The following CDH13 variants were observed in gnomAD, a reference collection of about 807,000 sequenced individuals.
CDH13 encodes the protein cadherin 13.
CDH13 carries 24 observed loss-of-function variants against 63.8 expected under a neutral mutation model. The observed-to-expected ratio is 0.38, with a 90% CI of 0.27 to 0.53. The LOEUF (loss-of-function observed/expected upper bound fraction) is 0.53, where lower values mean the gene tolerates loss of function less well. Ranked by LOEUF, CDH13 falls within the 20% of genes least tolerant of loss-of-function variation. The probability of loss-of-function intolerance (pLI) is 0.85; values close to 1 mark genes in which losing one functional copy is unlikely to be tolerated. For synonymous variants in CDH13, 503 were observed against 355.3 expected, an observed-to-expected ratio of 1.42 and a Z score of -4.67; for missense variants, 1,049 against 903.1, an observed-to-expected ratio of 1.16 and a Z score of -2.07.
chr16:82,725,849 C>G (rs941744872), intron 1 of CDH13, among the ~76,000 whole-genome samples: 1 of 152,090 alleles, frequency 6.6e-6, no homozygotes, highest in Non-Finnish European at 1.5e-5. Flanking sequence ...AACTCATTAA[C>G]CAGATAATTA....
At chr16:82,930,943 T>TG (rs1484694641) in intron 2 of CDH13, among the ~76,000 whole-genome samples, 1 of 152,264 alleles carries the variant, frequency 6.6e-6, no homozygotes, top group Non-Finnish European at 1.5e-5. Flanking sequence ...GTTCGACTTG[T>TG]GGCTTTGTCA....
chr16:83,185,640 G>A (rs564148281), intron 4 of CDH13, among the ~76,000 whole-genome samples: 8 of 152,278 alleles, frequency 5.3e-5, no homozygotes, highest in African/African-American at 9.6e-5. Flanking sequence ...CTCTGAAAAC[G>A]TCTAATCTGT....
At chr16:83,029,328 A>T (rs1390798205) in intron 2 of CDH13, among the ~76,000 whole-genome samples, 1 of 152,198 alleles carries the variant, frequency 6.6e-6, no homozygotes, top group Non-Finnish European at 1.5e-5. Flanking sequence ...GCTAGGATCT[A>T]TGTAGCTGTT....
chr16:83,072,652 G>T (rs1445284960), intron 3 of CDH13, among the ~76,000 whole-genome samples: 1 of 152,152 alleles, frequency 6.6e-6, no homozygotes, highest in East Asian at 1.9e-4. Context: ...TCCCATTTGG[G>T]AAATGAGGGG....
intron 5 of CDH13, among the ~76,000 whole-genome samples, chr16:83,277,527 C>T (rs1248161679): frequency 6.6e-6 from 1 of 152,116 alleles, no homozygotes; most frequent in East Asian, 1.9e-4. Flanking sequence ...ATCCCTGAGA[C>T]TTTTTCAGGG....
chr16:83,493,528 G>A (rs2074067612), intron 7 of CDH13, among the ~76,000 whole-genome samples: 1 of 152,212 alleles, frequency 6.6e-6, no homozygotes, highest in Non-Finnish European at 1.5e-5. Flanking sequence ...TGATGGCTGT[G>A]TGGAAACCTG....
intron 6 of CDH13, among the ~76,000 whole-genome samples, chr16:83,463,239 G>T (rs921516557): frequency 3.9e-5 from 6 of 152,188 alleles, no homozygotes; most frequent in African/African-American, 1.4e-4. Context: ...CAGCCAGCTG[G>T]TGAAAGTTCA....
intron 6 of CDH13, among the ~76,000 whole-genome samples, chr16:83,412,684 T>C (rs1399393830): frequency 6.6e-6 from 1 of 152,160 alleles, no homozygotes; most frequent in African/African-American, 2.4e-5. Context: ...CTGACAAGAA[T>C]GTATGCACTA....
intron 6 of CDH13, among the ~76,000 whole-genome samples, chr16:83,473,347 T>G (rs2073512912): frequency 6.6e-6 from 1 of 152,236 alleles, no homozygotes; most frequent in African/African-American, 2.4e-5. Context: ...TCAGCAACAT[T>G]ACAGCTTTAC....
At chr16:83,297,072 A>G (rs1041162532) in intron 5 of CDH13, among the ~76,000 whole-genome samples, 1 of 152,202 alleles carries the variant, frequency 6.6e-6, no homozygotes, top group African/African-American at 2.4e-5. Flanking sequence ...TTTCATTTTA[A>G]TAAGCATGGG....
intron 3 of CDH13, among the ~76,000 whole-genome samples, chr16:83,040,006 T>C (rs1472065254): frequency 1.3e-5 from 2 of 151,750 alleles, no homozygotes; most frequent in African/African-American, 4.8e-5. Flanking sequence ...CTACTCATAG[T>C]ACTAAACAAA....
At chr16:82,654,146 G>C (rs968794338) in intron 1 of CDH13, among the ~76,000 whole-genome samples, 4 of 152,140 alleles carry the variant, frequency 2.6e-5, no homozygotes, top group African/African-American at 9.7e-5. Flanking sequence ...CAGTGGGGGA[G>C]GTCCTGAGAG....
chr16:83,334,985 A>T (rs902868116), intron 5 of CDH13, among the ~76,000 whole-genome samples: 1 of 152,198 alleles, frequency 6.6e-6, no homozygotes, highest in Non-Finnish European at 1.5e-5. Context: ...TAAGTGTCAC[A>T]TTAATAAACT....
intron 10 of CDH13, chr16:83,710,037 ATGACATT>A (rs1267031384): frequency 2.6e-5 from 4 of 152,246 alleles, no homozygotes; most frequent in Non-Finnish European, 5.9e-5. Flanking sequence ...TTGCCCCCAG[ATGACATT>A]TGTCAGTGTC....
intron 2 of CDH13, among the ~76,000 whole-genome samples, chr16:83,031,063 G>T (rs904714256): frequency 6.6e-6 from 1 of 151,444 alleles, no homozygotes; most frequent in Non-Finnish European, 1.5e-5. Context: ...ATATGGTGCT[G>T]CATATTGTGC....
chr16:83,472,075 AAC>A (rs1328913519), intron 6 of CDH13, among the ~76,000 whole-genome samples: 1 of 152,198 alleles, frequency 6.6e-6, no homozygotes, highest in African/African-American at 2.4e-5. Context: ...ATTCTCAGAG[AAC>A]ACAGTGTCCT....
chr16:82,650,871 G>T (rs540595111), intron 1 of CDH13, among the ~76,000 whole-genome samples: 1 of 152,210 alleles, frequency 6.6e-6, no homozygotes, highest in Non-Finnish European at 1.5e-5. Context: ...CAGTGGGGCA[G>T]GGCAGTAAAC....
At chr16:82,638,189 C>T (rs934246494) in intron 1 of CDH13, among the ~76,000 whole-genome samples, 1 of 152,074 alleles carries the variant, frequency 6.6e-6, no homozygotes, top group South Asian at 2.1e-4. Flanking sequence ...ACCTGGGAAC[C>T]CAGAGGTGAA....
At chr16:83,034,640 A>G (rs1005149656) in intron 3 of CDH13, among the ~76,000 whole-genome samples, 1 of 152,204 alleles carries the variant, frequency 6.6e-6, no homozygotes, top group Non-Finnish European at 1.5e-5. Flanking sequence ...GCTTGAATGC[A>G]TTTAGATGGC....
Sources: gnomAD v4.1 joint callset for allele counts (sites outside exome capture counted in the v4.1 genomes callset) on GRCh38, gnomAD v4.1.1 for gene constraint, MANE v1.5 for transcripts, NCBI Gene and HGNC (gene_info 2026-07-23, HGNC 2026-07-21) for gene names.